The following RTN4 variants were observed in gnomAD, a reference collection of about 807,000 sequenced individuals.
RTN4 encodes the protein reticulon 4.
A neutral mutation model predicts 90.4 loss-of-function variants in RTN4; 32 were observed. The ratio of observed to expected loss-of-function variants is 0.35; its 90% CI spans 0.27 to 0.48. The LOEUF (loss-of-function observed/expected upper bound fraction) is 0.48, where lower values mean the gene tolerates loss of function less well. Ranked by LOEUF, RTN4 falls within the 20% of genes least tolerant of loss-of-function variation. The pLI, the probability that RTN4 is intolerant of heterozygous loss-of-function variation, is 0.99. For missense variants in RTN4, 1,706 were observed against 1,430.2 expected (o/e 1.19, Z -3.11); for synonymous variants, 629 against 552.5 (o/e 1.14, Z -1.94).
chr2:55,021,230 G>A lies in RTN4; in HGVS notation c.3013+3856C>T, dbSNP rs1483728711. ...CTGTATTTTGGTACATTTGACTTCA[G>A]TACACTTGAACCTCCCTTTCACGAA... On this transcript the variant is annotated intron_variant, in intron 3 of 8. Transcript: ENST00000337526. Among the ~76,000 whole-genome samples the A allele has an allele frequency of 3.3e-5, 5 of 152,022 alleles. No individual in the cohort carries two copies. The East Asian group carries it at 9.6e-4, about 29-fold the overall frequency.
rs1350587232 is a variant in RTN4, at chr2:55,025,434, A to C, written c.2665T>G (p.Tyr889Asp). 1 of 1,613,804 alleles carries C rather than the reference A, an allele frequency of 6.2e-7. No individual in the cohort carries two copies. Among genetic ancestry groups the C allele is most frequent in the South Asian group, 1.1e-5 (1 of 91,078 alleles). ...TDSFSKLARE[Y>D]TDLEVSHKSE... ...TTGTGGGATACTTCTAGGTCAGTAT[A>C]TTCCCTGGCTAATTTAGAAAATGAA... The change falls in exon 3 of 9, where the codon TAT becomes GAT. Residue 889 changes from tyrosine (Y) to aspartate (D), a missense_variant. Physicochemically the swap from Tyr to Asp is radical, Grantham distance 160. Coordinates refer to ENST00000337526, the MANE Select transcript of RTN4 (RefSeq NM_020532.5).
chr2:55,064,202 C>CT (rs1179645762), intron 2 of RTN4, among the ~76,000 whole-genome samples: 4 of 32,126 alleles, frequency 1.2e-4, no homozygotes, highest in Admixed American at 8.1e-4. Flanking sequence ...AAGACCATGT[C>CT]TTAAAAAAAA....
intron 2 of RTN4, among the ~76,000 whole-genome samples, chr2:55,060,100 G>A (rs1395902872): frequency 6.6e-6 from 1 of 152,106 alleles, no homozygotes; most frequent in East Asian, 2.0e-4. Flanking sequence ...GCAGTAGTAG[G>A]AGAAGGAGAT....
At chr2:55,019,635 T>C (rs184600172) in intron 3 of RTN4, among the ~76,000 whole-genome samples, 103 of 152,288 alleles carry the variant, frequency 6.8e-4, no homozygotes, top group Non-Finnish European at 1.2e-3. Flanking sequence ...TGTTCTATTA[T>C]AAAGTCGGGG....
chr2:54,972,299 TTAA>T lies in RTN4; in HGVS notation c.*854_*856del, dbSNP rs977399236. On this transcript the variant is annotated 3_prime_UTR_variant, in exon 9 of 9. Transcript: ENST00000337526. ...AATGGTATAAATCTTCATTTTGTAATTAATAATTTCTTGCATAACAATGTTTGA... is the reference window on the plus strand; with the variant it reads ...AATGGTATAAATCTTCATTTTGTAATTAATTTCTTGCATAACAATGTTTGA... The T allele has an allele frequency of 3.9e-5, 6 of 152,658 alleles. No homozygotes were observed. Among genetic ancestry groups the T allele is most frequent in the African/African-American group, 9.6e-5 (4 of 41,464 alleles). 9.5% of individuals were successfully genotyped at this position (152,658 alleles called of 1,614,324 possible).
intron 2 of RTN4, among the ~76,000 whole-genome samples, chr2:55,075,244 T>C (rs1186161144): frequency 6.6e-6 from 1 of 152,060 alleles, no homozygotes; most frequent in Admixed American, 6.5e-5. Context: ...GATACAAAAT[T>C]AACATACACA....
chr2:55,060,658 C>G (rs1029106216), intron 2 of RTN4: 1 of 152,252 alleles, frequency 6.6e-6, no homozygotes, highest in Non-Finnish European at 1.5e-5. Flanking sequence ...CGGTGGATCA[C>G]AGCTATAATC....
intron 3 of RTN4, among the ~76,000 whole-genome samples, chr2:54,997,976 G>T (rs1679564500): frequency 6.6e-6 from 1 of 152,036 alleles, no homozygotes; most frequent in Admixed American, 6.6e-5. Flanking sequence ...ATACGCTAGG[G>T]GTCTTAGAGT....
intron 1 of RTN4, among the ~76,000 whole-genome samples, chr2:55,039,880 T>C (rs1458796646): frequency 1.3e-5 from 2 of 152,246 alleles, no homozygotes; most frequent in African/African-American, 2.4e-5. Flanking sequence ...ACTCTTTTAG[T>C]ATTCCATTAA....
rs1678354604 is a variant in RTN4, at chr2:54,984,041, A to AT, written c.3222-1389dup. On this transcript the variant is annotated intron_variant, in intron 4 of 8. Transcript: ENST00000337526. ...ATTCACTAAGTATTTTTTAACCTTA[A>AT]TGTAGCCCTTATTAATCATATGGTT... 8.5e-5 allele frequency among the ~76,000 whole-genome samples: 13 copies of AT among 152,258 alleles called. 1 individual carries two copies. The South Asian group carries it at 2.7e-3, about 32-fold the overall frequency.
the RTN4 span, among the ~76,000 whole-genome samples, chr2:55,135,249 C>A: frequency 1.3e-5 from 2 of 149,742 alleles, no homozygotes; most frequent in Non-Finnish European, 3.0e-5. Flanking sequence ...GCTCTGTCAC[C>A]CAGGCTGGAG....
At chr2:55,028,799 A>T (rs7570629) in intron 1 of RTN4, among the ~76,000 whole-genome samples, 101,253 of 151,812 alleles carry the variant, frequency 0.67, 34,836 homozygotes, top group African/African-American at 0.85. Flanking sequence ...AAAAAAAAAA[A>T]AATTAACTGC....
chr2:54,998,411 A>C (rs1679612068), intron 3 of RTN4, among the ~76,000 whole-genome samples: 1 of 152,202 alleles, frequency 6.6e-6, no homozygotes. Flanking sequence ...TTTCAATATT[A>C]CTGTTGACTG....
At chr2:55,107,909 A>G (rs2972087) in intron 1 of RTN4, among the ~76,000 whole-genome samples, 149,775 of 152,218 alleles carry the variant, frequency 0.98, 73,715 homozygotes, top group African/African-American at 0.99. Flanking sequence ...CTTTAGCTAC[A>G]TAGAGACTGG....
At chr2:55,080,869 G>T (rs1236344580) in intron 1 of RTN4, among the ~76,000 whole-genome samples, 1 of 152,102 alleles carries the variant, frequency 6.6e-6, no homozygotes, top group Non-Finnish European at 1.5e-5. Context: ...AAGTTGATTT[G>T]AAAGAACTAA....
At chr2:55,136,980 G>A in the RTN4 span, among the ~76,000 whole-genome samples, 1 of 152,160 alleles carries the variant, frequency 6.6e-6, no homozygotes, top group Non-Finnish European at 1.5e-5. Context: ...CAGTCTCAAG[G>A]AACTGGCAGT....
intron 1 of RTN4, among the ~76,000 whole-genome samples, chr2:55,037,960 AT>A (rs1483490502): frequency 1.1e-4 from 17 of 152,220 alleles, no homozygotes; most frequent in African/African-American, 3.9e-4. Context: ...CAAAATAGAT[AT>A]ATATAAATAG....
chr2:55,131,539 A>G, the RTN4 span, among the ~76,000 whole-genome samples: 130,249 of 152,130 alleles, frequency 0.86, 55,883 homozygotes, highest in African/African-American at 0.9. Flanking sequence ...TTAAAGCCCC[A>G]AACATTCTTT....
rs111431370 is a variant in RTN4 at position 54,997,798 on chromosome 2, A to T, written c.3014-10100T>A. Among the ~76,000 whole-genome samples the T allele has an allele frequency of 2.0e-3, 302 of 152,322 alleles. 1 individual carries two copies. Among genetic ancestry groups the T allele is most frequent in the African/African-American group, 6.7e-3 (280 of 41,580 alleles). On this transcript the variant is annotated intron_variant, in intron 3 of 8. Transcript: ENST00000337526. ...AGTACAATGAGATATTTTGAGAAAGACACCACATTCATTTAACTTTAGTAT... is the reference window on the plus strand; with the variant it reads ...AGTACAATGAGATATTTTGAGAAAGTCACCACATTCATTTAACTTTAGTAT...
Sources: allele counts gnomAD v4.1 joint callset (sites outside exome capture counted in the v4.1 genomes callset), GRCh38; gene constraint gnomAD v4.1.1; transcripts MANE v1.5; gene names NCBI Gene and HGNC (gene_info 2026-07-23, HGNC 2026-07-21).